PTPN13: variants seen among roughly 807,000 people sequenced by gnomAD.
PTPN13 encodes the protein tyrosine-protein phosphatase non-receptor type 13.
PTPN13 carries 191 observed loss-of-function variants against 284.0 expected under a neutral mutation model. The ratio of observed to expected loss-of-function variants is 0.67; its 90% CI spans 0.60 to 0.76. The LOEUF (loss-of-function observed/expected upper bound fraction) is 0.76, where lower values mean the gene tolerates loss of function less well. PTPN13 is among the 30% of genes least tolerant of loss of function. The pLI is 0.00. For synonymous variants in PTPN13, 986 were observed against 1,022.3 expected, an observed-to-expected ratio of 0.96 and a Z score of 0.68; for missense variants, 2,797 against 2,939.9, an observed-to-expected ratio of 0.95 and a Z score of 1.12.
At chr4:86,661,019 A>G (rs1726423363) in intron 2 of PTPN13, 1 of 412,614 alleles carries the variant, frequency 2.4e-6, no homozygotes, top group Middle Eastern at 3.5e-4. Flanking sequence ...GGTATAACAT[A>G]TATTGCAAAC....
intron 1 of PTPN13, among the ~76,000 whole-genome samples, chr4:86,596,918 A>G (rs1763859527): frequency 6.6e-6 from 1 of 152,202 alleles, no homozygotes; most frequent in Admixed American, 6.5e-5. Flanking sequence ...AAGAAACACA[A>G]CCATACTCCA....
At chr4:86,773,759 T>C (rs956854966) in intron 32 of PTPN13, among the ~76,000 whole-genome samples, 6 of 152,078 alleles carry the variant, frequency 3.9e-5, no homozygotes. Context: ...CATCTACATC[T>C]TCAGTTTCAT....
chr4:86,635,400 G>A (rs1239999395), intron 2 of PTPN13, 29 bp downstream of exon 2: 4 of 1,563,296 alleles, frequency 2.6e-6, no homozygotes, highest in South Asian at 2.4e-5. Context: ...TGCTGTTGTT[G>A]TTGTTGTTTC....
At chr4:86,624,686 C>T (rs1721633911) in intron 1 of PTPN13, among the ~76,000 whole-genome samples, 1 of 152,114 alleles carries the variant, frequency 6.6e-6, no homozygotes, top group Non-Finnish European at 1.5e-5. Flanking sequence ...GGTGCAGTGG[C>T]ATGCCTATAG....
intron 1 of PTPN13, among the ~76,000 whole-genome samples, chr4:86,609,371 T>C (rs2149188635): frequency 6.6e-6 from 1 of 152,198 alleles, no homozygotes; most frequent in East Asian, 1.9e-4. Context: ...TATATAAGGT[T>C]GAAAATGTAC....
chr4:86,625,568 T>G (rs916340742), intron 1 of PTPN13, among the ~76,000 whole-genome samples: 3 of 152,152 alleles, frequency 2.0e-5, no homozygotes, highest in Admixed American at 6.6e-5. Context: ...GCTTATTTTT[T>G]TGTGTGTATG....
chr4:86,666,026 C>T (rs1389032368), intron 2 of PTPN13, among the ~76,000 whole-genome samples: 1 of 152,094 alleles, frequency 6.6e-6, no homozygotes, highest in Non-Finnish European at 1.5e-5. Context: ...TTAATCCTCA[C>T]AGCAGCCTTA....
chr4:86,752,864 C>T, intron 19 of PTPN13, 145 bp from the exon 20 acceptor site: 4 of 455,696 alleles, frequency 8.8e-6, no homozygotes, highest in Non-Finnish European at 1.6e-5. Flanking sequence ...TGAAAATGCC[C>T]ATTGGAGGAT....
At position 86,769,870 on chromosome 4, in the gene PTPN13, G is replaced by C; in HGVS notation, c.4591G>C (p.Val1531Leu). Residue 1531 changes from valine (V) to leucine (L), a missense_variant, in exon 29 of 48, where the codon GTA becomes CTA. Physicochemically the swap from Val to Leu is conservative, Grantham distance 32 (BLOSUM62 1). Coordinates refer to ENST00000411767, the MANE Select transcript of PTPN13 (RefSeq NM_080683.3). Reference protein sequence around the residue: ...LIPEQINASIVRVKKLFPGQP... With the variant: ...LIPEQINASILRVKKLFPGQP... ...ACCGGAGCAAATTAATGCCAGCATA[G>C]TAAGGGTTAAAAAGCTCTTTCCTGG... 6.2e-7 allele frequency: 1 copy of C among 1,613,928 alleles called. No individual in the cohort carries two copies. Among genetic ancestry groups the C allele is most frequent in the Non-Finnish European group, 8.5e-7 (1 of 1,179,836 alleles).
rs1738875317 is a variant in PTPN13 at position 86,762,972 on chromosome 4, A to G, written c.3799A>G (p.Ser1267Gly). 3 of 1,613,942 alleles carry G rather than the reference A, an allele frequency of 1.9e-6. No homozygotes were observed. In the South Asian group the frequency reaches 3.3e-5, roughly 18 times the overall value. ...AAGCCAGGTCAATGGTTTCTTTGCC[A>G]GCCATTTAGGTGACCAAACCTGGCA... is the stretch of plus-strand genomic sequence containing the variant. ...SQSQVNGFFA[S>G]HLGDQTWQES... is the part of the protein sequence containing the mutation. Residue 1267 changes from serine (S) to glycine (G), a missense_variant, in exon 24 of 48, where the codon AGC becomes GGC. By Grantham distance (56) the Ser-to-Gly change is moderately conservative. Coordinates refer to ENST00000411767, the MANE Select transcript of PTPN13 (RefSeq NM_080683.3).
chr4:86,752,399 ATAC>A (rs1203367874), intron 19 of PTPN13, among the ~76,000 whole-genome samples: 12 of 152,290 alleles, frequency 7.9e-5, no homozygotes, highest in African/African-American at 2.9e-4. Context: ...TTCAGAGACT[ATAC>A]TATCAATTTA....
chr4:86,779,779 ATCT>A (rs938479005), intron 35 of PTPN13, among the ~76,000 whole-genome samples: 23 of 152,192 alleles, frequency 1.5e-4, no homozygotes, highest in Admixed American at 1.4e-3. Flanking sequence ...TTGCATACTA[ATCT>A]TCTATTTCTG....
At chr4:86,795,987 A>G (rs1232994870) in intron 40 of PTPN13, among the ~76,000 whole-genome samples, 1 of 150,028 alleles carries the variant, frequency 6.7e-6, no homozygotes, top group Non-Finnish European at 1.5e-5. Flanking sequence ...ATGTCTACCT[A>G]CATAACAAAC....
chr4:86,674,831 C>T (rs1728103616), intron 3 of PTPN13, among the ~76,000 whole-genome samples: 1 of 152,062 alleles, frequency 6.6e-6, no homozygotes, highest in Non-Finnish European at 1.5e-5. Context: ...GGATAGTATA[C>T]ATATATAGTT....
At chr4:86,806,831 T>G (rs1033793238) in intron 44 of PTPN13, among the ~76,000 whole-genome samples, 1 of 152,222 alleles carries the variant, frequency 6.6e-6, no homozygotes, top group Non-Finnish European at 1.5e-5. Context: ...GTAATACATA[T>G]AAATTTATTC....
At chr4:86,657,790 G>A (rs1726026343) in intron 2 of PTPN13, among the ~76,000 whole-genome samples, 2 of 152,188 alleles carry the variant, frequency 1.3e-5, no homozygotes, top group South Asian at 4.1e-4. Flanking sequence ...GCAAAGACTT[G>A]GAATTGGGGG....
At chr4:86,613,685 C>G (rs1337509889) in intron 1 of PTPN13, among the ~76,000 whole-genome samples, 2 of 149,610 alleles carry the variant, frequency 1.3e-5, no homozygotes, top group Admixed American at 6.7e-5. Context: ...CTCCTGAAAT[C>G]AAAGTTCTCA....
intron 2 of PTPN13, among the ~76,000 whole-genome samples, chr4:86,647,048 T>C (rs1263574304): frequency 6.6e-6 from 1 of 151,462 alleles, no homozygotes; most frequent in Admixed American, 6.6e-5. Flanking sequence ...AGATCAGTGG[T>C]TGTTTAGGGA....
Position 86,772,856 on chromosome 4 carries a change from G to C in PTPN13, c.5247G>C (p.Ser1749=), listed in dbSNP as rs370996838. ...QPQSESASSS[S]MDKYHIHHIS... is the part of the protein sequence containing the mutation. ...AATCAGAATCTGCTTCCTCTAGTTCGATGGATAAGTATCATATACATCACA... is the reference window on the plus strand; with the variant it reads ...AATCAGAATCTGCTTCCTCTAGTTCCATGGATAAGTATCATATACATCACA... The change falls in exon 32 of 48, where the codon TCG becomes TCC. Residue 1749 remains serine, a synonymous_variant. Coordinates refer to ENST00000411767, the MANE Select transcript of PTPN13 (RefSeq NM_080683.3). 6.2e-7 allele frequency: 1 copy of C among 1,613,016 alleles called. No individual in the cohort carries two copies. Among genetic ancestry groups the C allele is most frequent in the Admixed American group, 1.7e-5 (1 of 59,986 alleles).
Sources: gnomAD v4.1 joint callset for allele counts (sites outside exome capture counted in the v4.1 genomes callset) on GRCh38, gnomAD v4.1.1 for gene constraint, MANE v1.5 for transcripts, NCBI Gene and HGNC (gene_info 2026-07-23, HGNC 2026-07-21) for gene names.